Variants in CDH18 observed in about 807,000 individuals in gnomAD.
CDH18 encodes the protein cadherin 18, also known as cadherin-18.
A neutral mutation model predicts 67.9 loss-of-function variants in CDH18; 31 were observed. The ratio of observed to expected loss-of-function variants is 0.46; its 90% CI spans 0.34 to 0.62. CDH18 has a LOEUF of 0.62. Ranked by LOEUF, CDH18 falls within the 20% of genes least tolerant of loss-of-function variation. The probability of loss-of-function intolerance (pLI) is 0.01; values close to 1 mark genes in which losing one functional copy is unlikely to be tolerated. For missense variants in CDH18, 890 were observed against 975.5 expected (o/e 0.91, Z 1.17); for synonymous variants, 362 against 347.2 (o/e 1.04, Z -0.48).
At chr5:20,027,417 T>C (rs1739007026) in intron 2 of CDH18, among the ~76,000 whole-genome samples, 1 of 152,186 alleles carries the variant, frequency 6.6e-6, no homozygotes, top group Non-Finnish European at 1.5e-5. Context: ...TTAAAAAGAA[T>C]TGGTGACAAT....
At chr5:20,333,528 TAC>T (rs10658368) in intron 1 of CDH18, among the ~76,000 whole-genome samples, 45 of 136,778 alleles carry the variant, frequency 3.3e-4, no homozygotes, top group East Asian at 1.0e-3. Flanking sequence ...ACAATATATA[TAC>T]ACACACACAC....
chr5:19,625,098 T>C lies in CDH18; in HGVS notation c.644-12497A>G, dbSNP rs996948997. Among the ~76,000 whole-genome samples, 33 of 152,084 alleles carry C rather than the reference T, an allele frequency of 2.2e-4. 2 individuals are homozygous for C. The highest frequency in any genetic ancestry group is 3.2e-4 in the Non-Finnish European group (22 of 68,004). ...AATAATACCATATATAGCAGATTAG[T>C]TGTGGTTAATGCTCTTATTTTCTGT... On this transcript the variant is annotated intron_variant, in intron 5 of 12. Transcript: ENST00000382275.
intron 10 of CDH18, among the ~76,000 whole-genome samples, chr5:19,518,341 T>C (rs1383867771): frequency 1.3e-5 from 2 of 152,190 alleles, no homozygotes; most frequent in Non-Finnish European, 2.9e-5. Flanking sequence ...AGTTTCTGTG[T>C]AACAAAATGC....
At chr5:20,142,845 C>T (rs1424815394) in intron 2 of CDH18, among the ~76,000 whole-genome samples, 1 of 152,176 alleles carries the variant, frequency 6.6e-6, no homozygotes, top group Non-Finnish European at 1.5e-5. Context: ...GACTTCTAGC[C>T]TCCAGAACTG....
At chr5:20,441,497 A>T (rs1749602913) in intron 1 of CDH18, among the ~76,000 whole-genome samples, 1 of 151,874 alleles carries the variant, frequency 6.6e-6, no homozygotes. Context: ...CACAGAGCAA[A>T]AAAAAAACAT....
intron 1 of CDH18, among the ~76,000 whole-genome samples, chr5:20,548,172 T>C (rs1384184390): frequency 6.6e-6 from 1 of 150,474 alleles, no homozygotes; most frequent in Non-Finnish European, 1.5e-5. Context: ...GCCAGCTTAA[T>C]GTGAAAGATA....
intron 2 of CDH18, among the ~76,000 whole-genome samples, chr5:20,231,294 A>G (rs1162269761): frequency 1.3e-5 from 2 of 152,178 alleles, no homozygotes; most frequent in Non-Finnish European, 2.9e-5. Context: ...AAACCAGAAG[A>G]TTTAAGTCAC....
chr5:20,362,655 A>G (rs924265032), intron 1 of CDH18, among the ~76,000 whole-genome samples: 2 of 152,166 alleles, frequency 1.3e-5, no homozygotes, highest in South Asian at 2.1e-4. Context: ...GTTAAATTCA[A>G]ACTGTCTAGG....
At chr5:19,707,050 G>A (rs560452340) in intron 5 of CDH18, among the ~76,000 whole-genome samples, 1 of 152,240 alleles carries the variant, frequency 6.6e-6, no homozygotes, top group Admixed American at 6.5e-5. Flanking sequence ...ATAACTTGGG[G>A]TAGAGACTAT....
chr5:20,467,193 T>C (rs1044167796), intron 1 of CDH18, among the ~76,000 whole-genome samples: 4 of 152,096 alleles, frequency 2.6e-5, no homozygotes, highest in African/African-American at 9.7e-5. Flanking sequence ...TGTGAATATA[T>C]TATTCAATAT....
At chr5:20,425,638 T>C (rs1748244830) in intron 1 of CDH18, among the ~76,000 whole-genome samples, 4 of 150,938 alleles carry the variant, frequency 2.7e-5, no homozygotes. Flanking sequence ...TTGAAAATAG[T>C]TGCTTTTGGT....
chr5:19,735,396 ATTTT>A (rs34913380), intron 4 of CDH18, among the ~76,000 whole-genome samples: 5 of 105,076 alleles, frequency 4.8e-5, no homozygotes, highest in Admixed American at 1.0e-4. Context: ...ATGATATTGG[ATTTT>A]TTTTTTTTTT....
chr5:19,660,710 T>C (rs907654944), intron 5 of CDH18, among the ~76,000 whole-genome samples: 2 of 151,904 alleles, frequency 1.3e-5, no homozygotes, highest in African/African-American at 4.8e-5. Context: ...GAAGGCAGAG[T>C]CTGTAGAAGT....
chr5:19,514,016 G>A (rs1745530840), intron 10 of CDH18, among the ~76,000 whole-genome samples: 1 of 151,914 alleles, frequency 6.6e-6, no homozygotes, highest in African/African-American at 2.4e-5. Flanking sequence ...CCCATGACAG[G>A]CCCCAGCGTG....
chr5:19,758,679 T>C (rs1397030885), intron 3 of CDH18, among the ~76,000 whole-genome samples: 1 of 152,322 alleles, frequency 6.6e-6, no homozygotes. Context: ...TTCTTCATTG[T>C]AGGAGGTGCC....
At chr5:19,673,013 G>A (rs115600469) in intron 5 of CDH18, among the ~76,000 whole-genome samples, 3,026 of 152,042 alleles carry the variant, frequency 0.02, 97 homozygotes, top group Admixed American at 0.066. Flanking sequence ...TTTAGGTGAT[G>A]CTCACCTGCA....
intron 1 of CDH18, among the ~76,000 whole-genome samples, chr5:20,362,095 G>A (rs9292926): frequency 0.23 from 34,911 of 151,802 alleles, 4,416 homozygotes; most frequent in East Asian, 0.37. Context: ...GTAAATTAGC[G>A]AATTAATGTC....
intron 2 of CDH18, among the ~76,000 whole-genome samples, chr5:20,074,943 A>G: frequency 6.6e-6 from 1 of 152,196 alleles, no homozygotes; most frequent in East Asian, 1.9e-4. Flanking sequence ...TTAAATACCT[A>G]TATTATTGTC....
intron 9 of CDH18, among the ~76,000 whole-genome samples, chr5:19,530,208 A>C (rs1469397821): frequency 6.6e-6 from 1 of 152,146 alleles, no homozygotes; most frequent in Non-Finnish European, 1.5e-5. Flanking sequence ...CAAATGGTGG[A>C]TCCATTGTAA....
Sources: gnomAD v4.1 joint callset for allele counts (sites outside exome capture counted in the v4.1 genomes callset) on GRCh38, gnomAD v4.1.1 for gene constraint, MANE v1.5 for transcripts, NCBI Gene and HGNC (gene_info 2026-07-23, HGNC 2026-07-21) for gene names.